Variants in F8 observed in about 807,000 individuals in gnomAD.
The protein encoded by F8 is antihemophilic factor.
In F8, 12 loss-of-function variants were observed where a neutral mutation model predicts 140.6. That is an observed-to-expected ratio of 0.09 (90% CI 0.05 to 0.14). The LOEUF (loss-of-function observed/expected upper bound fraction) is 0.14. F8 is among the 10% of genes least tolerant of loss of function. The probability of loss-of-function intolerance (pLI) is 1.00; values close to 1 mark genes in which losing one functional copy is unlikely to be tolerated. For synonymous variants in F8, 585 were observed against 614.6 expected (o/e 0.95, Z 0.71); for missense variants, 1,354 against 1,720.7 (o/e 0.79, Z 3.77).
chrX:154,902,011 G>T, intron 19 of F8, 40 bp downstream of exon 19: 1 of 888,205 alleles, frequency 1.1e-6, no homozygotes, highest in Non-Finnish European at 1.7e-6. Context: ...AAAGAAGTAG[G>T]CTGAGTAGGT....
At chrX:154,857,017 G>A (rs782364607) in intron 25 of F8, among the ~76,000 whole-genome samples, 4 of 112,185 alleles carry the variant, frequency 3.6e-5, no homozygotes, top group South Asian at 7.4e-4. Flanking sequence ...CCTGGAATGC[G>A]TAATTGGAAC....
At chrX:155,005,615 T>G (rs2124156182) in intron 1 of F8, among the ~76,000 whole-genome samples, 1 of 112,029 alleles carries the variant, frequency 8.9e-6, no homozygotes, top group African/African-American at 3.2e-5. Flanking sequence ...ATTCCAGAAC[T>G]TATGAAGCAA....
intron 14 of F8, among the ~76,000 whole-genome samples, chrX:154,918,406 C>T (rs2073110917): frequency 9.0e-6 from 1 of 110,820 alleles, no homozygotes; most frequent in Non-Finnish European, 1.9e-5. Flanking sequence ...ATTTTTTTAC[C>T]CTAGAGGCAA....
At chrX:154,850,083 T>TTGTGTGTGTG (rs60052978) in intron 25 of F8, among the ~76,000 whole-genome samples, 31 of 96,086 alleles carry the variant, frequency 3.2e-4, no homozygotes, top group African/African-American at 9.4e-4. Flanking sequence ...CAGGCTTGTT[T>TTGTGTGTGTG]TGTGTGTGTG....
rs181368262 is a variant in F8 at position 154,997,816 on chromosome X, G to C, written c.266-721C>G. Among the ~76,000 whole-genome samples, 23 of 111,668 alleles carry C rather than the reference G, an allele frequency of 2.1e-4. No individual in the cohort carries two copies. The East Asian group carries it at 6.4e-3, about 31-fold the overall frequency. On this transcript the variant is annotated intron_variant, in intron 2 of 25. Coordinates refer to ENST00000360256, the MANE Select transcript of F8 (RefSeq NM_000132.4). Reference sequence around the variant, plus strand: ...ATAAGAAGACTTGGAACTTGTTTTGGAGGAACAGTCAACAGGACTTGCTCA... The same window carrying C: ...ATAAGAAGACTTGGAACTTGTTTTGCAGGAACAGTCAACAGGACTTGCTCA...
chrX:154,924,745 C>T (rs782529416), intron 14 of F8, among the ~76,000 whole-genome samples: 20 of 112,127 alleles, frequency 1.8e-4, no homozygotes, highest in Admixed American at 3.7e-4. Flanking sequence ...GAAATCTAGG[C>T]GGAAGTTCCC....
chrX:154,898,363 G>A (rs960528059), intron 21 of F8, among the ~76,000 whole-genome samples: 14 of 112,373 alleles, frequency 1.2e-4, no homozygotes, highest in Admixed American at 3.8e-4. Context: ...TTGAAGATAA[G>A]GCGATTCAAT....
At chrX:154,892,978 CT>C (rs1557275281) in intron 22 of F8, among the ~76,000 whole-genome samples, 1 of 111,972 alleles carries the variant, frequency 8.9e-6, no homozygotes, top group Non-Finnish European at 1.9e-5. Flanking sequence ...AATCTATTCT[CT>C]CTGAAGCCTG....
chrX:155,001,048 G>T (rs1020028035), intron 1 of F8, among the ~76,000 whole-genome samples: 12 of 111,554 alleles, frequency 1.1e-4, no homozygotes, highest in African/African-American at 3.6e-4. Flanking sequence ...AGGGGTCTGG[G>T]CATTTATCAC....
At chrX:154,944,325 A>G (rs1557280112) in intron 13 of F8, among the ~76,000 whole-genome samples, 1 of 110,033 alleles carries the variant, frequency 9.1e-6, no homozygotes, top group African/African-American at 3.3e-5. Context: ...ATTTACAAGA[A>G]AAAAACAAAC....
intron 22 of F8, among the ~76,000 whole-genome samples, chrX:154,876,637 G>C (rs1374236619): frequency 9.0e-6 from 1 of 111,298 alleles, no homozygotes; most frequent in East Asian, 2.8e-4. Context: ...TGTTTTCTCT[G>C]CTGCTCTCCT....
intron 25 of F8, among the ~76,000 whole-genome samples, chrX:154,840,928 TA>T (rs2072514753): frequency 8.9e-6 from 1 of 112,129 alleles, no homozygotes; most frequent in African/African-American, 3.2e-5. Flanking sequence ...AAAGAGGGAA[TA>T]AAAACTCAAG....
At chrX:154,923,611 C>T (rs782688335) in intron 14 of F8, among the ~76,000 whole-genome samples, 28 of 111,977 alleles carry the variant, frequency 2.5e-4, no homozygotes, top group Non-Finnish European at 3.2e-4. Context: ...CCAAGGCGGG[C>T]GGATCATAAG....
chrX:155,013,205 C>G (rs2073717770), intron 1 of F8, among the ~76,000 whole-genome samples: 1 of 109,152 alleles, frequency 9.2e-6, no homozygotes, highest in African/African-American at 3.4e-5. Context: ...TGGCTGTGTC[C>G]CCACCTAAAT....
intron 22 of F8, among the ~76,000 whole-genome samples, chrX:154,895,173 C>G (rs1192093550): frequency 1.8e-5 from 2 of 111,972 alleles, no homozygotes; most frequent in African/African-American, 6.5e-5. Flanking sequence ...TGCCAGTGCT[C>G]CCTGTTGGTG....
intron 1 of F8, among the ~76,000 whole-genome samples, chrX:155,000,270 C>T (rs1210216777): frequency 8.9e-6 from 1 of 112,138 alleles, no homozygotes; most frequent in African/African-American, 3.2e-5. Flanking sequence ...CCTCCTCACG[C>T]CAAATAATCA....
intron 14 of F8, among the ~76,000 whole-genome samples, chrX:154,921,951 C>G (rs2073133816): frequency 9.0e-6 from 1 of 111,243 alleles, no homozygotes; most frequent in Admixed American, 9.5e-5. Context: ...ATGGGCGCAG[C>G]ACACCAACAT....
chrX:154,837,278 GTGACTC>G lies in F8; in HGVS notation c.*313_*318del. ...TAGTTTTTCTACAACAGAGGAAGTG[GTGACTC>G]TGAGAGGCCTAACTTTTCAGGGAAG... On this transcript the variant is annotated 3_prime_UTR_variant, in exon 26 of 26. Coordinates refer to ENST00000360256, the MANE Select transcript of F8 (RefSeq NM_000132.4). The G allele has an allele frequency of 3.3e-6, 1 of 298,901 alleles. No homozygotes were observed. Among genetic ancestry groups the G allele is most frequent in the Non-Finnish European group, 6.0e-6 (1 of 167,844 alleles). The allele number at this position is 298,901 out of a possible 1,213,427, so 24.6% of individuals were successfully genotyped here.
chrX:155,002,804 A>G, intron 1 of F8, among the ~76,000 whole-genome samples: 1 of 112,052 alleles, frequency 8.9e-6, no homozygotes, highest in Non-Finnish European at 1.9e-5. Flanking sequence ...GTACATTTGC[A>G]ATAGTGCACA....
Sources: gnomAD v4.1 joint callset for allele counts (sites outside exome capture counted in the v4.1 genomes callset) on GRCh38, gnomAD v4.1.1 for gene constraint, MANE v1.5 for transcripts, NCBI Gene and HGNC (gene_info 2026-07-23, HGNC 2026-07-21) for gene names.